RAP2A: variants seen among roughly 807,000 people sequenced by gnomAD.
RAP2A encodes RAP2A, member of RAS oncogene family.
In RAP2A, 5 loss-of-function variants were observed where a neutral mutation model predicts 15.1. That is an observed-to-expected ratio of 0.33 (90% CI 0.17 to 0.70). RAP2A has a LOEUF of 0.70. Ranked by LOEUF, RAP2A falls within the 30% of genes least tolerant of loss-of-function variation. The pLI is 0.68. For missense variants in RAP2A, 111 were observed against 240.3 expected (o/e 0.46, Z 3.56); for synonymous variants, 110 against 99.7 (o/e 1.10, Z -0.62).
intron 1 of RAP2A, among the ~76,000 whole-genome samples, chr13:97,461,759 C>T (rs1254214439): frequency 3.3e-5 from 5 of 151,542 alleles, no homozygotes; most frequent in African/African-American, 1.2e-4. Flanking sequence ...GTCAGGAGAT[C>T]GAGACCATCC....
intron 1 of RAP2A, among the ~76,000 whole-genome samples, chr13:97,461,720 T>C (rs753221139): frequency 1.1e-4 from 16 of 152,024 alleles, no homozygotes; most frequent in Non-Finnish European, 2.2e-4. Flanking sequence ...TCCCAGCACT[T>C]TGGGAGGCTG....
chr13:97,462,600 C>T (rs2066752625), intron 1 of RAP2A, among the ~76,000 whole-genome samples: 1 of 152,186 alleles, frequency 6.6e-6, no homozygotes, highest in African/African-American at 2.4e-5. Context: ...CAGTAGTGTA[C>T]AGTAAATTTA....
chr13:97,450,065 GATAA>G (rs1007198832), intron 1 of RAP2A, among the ~76,000 whole-genome samples: 2 of 151,858 alleles, frequency 1.3e-5, no homozygotes, highest in African/African-American at 4.8e-5. Context: ...AATCTTGCAG[GATAA>G]ATACTCTTCT....
At chr13:97,445,253 A>G (rs142383021) in intron 1 of RAP2A, among the ~76,000 whole-genome samples, 6 of 152,246 alleles carry the variant, frequency 3.9e-5, no homozygotes, top group Non-Finnish European at 8.8e-5. Context: ...CCTTCCCTCA[A>G]TGATCCACTT....
chr13:97,439,997 T>C (rs1025566121), intron 1 of RAP2A, among the ~76,000 whole-genome samples: 1 of 152,144 alleles, frequency 6.6e-6, no homozygotes. Flanking sequence ...TAAGTAGCTA[T>C]TAAAGCCTAC....
Position 97,468,131 on chromosome 13 carries a change from G to C in RAP2A, c.*3689G>C, listed in dbSNP as rs2066780615. 6.6e-6 allele frequency: 1 copy of C among 152,032 alleles called. No homozygotes were observed. The highest frequency in any genetic ancestry group is 2.1e-4 in the South Asian group (1 of 4,816). The allele number at this position is 152,032 out of a possible 1,614,324, so 9.4% of individuals were successfully genotyped here. A position where few individuals can be genotyped will look rare whatever the true frequency, so the allele number is the denominator to read the frequency against. On this transcript the variant is annotated 3_prime_UTR_variant, in exon 2 of 2. Coordinates refer to ENST00000245304, the MANE Select transcript of RAP2A (RefSeq NM_021033.7). Reference sequence around the variant, plus strand: ...GATTTGAGAGTTCATCATATAAAAAGGCAGGTAGGTAGATAATTTTCATAG... The same window carrying C: ...GATTTGAGAGTTCATCATATAAAAACGCAGGTAGGTAGATAATTTTCATAG...
chr13:97,434,522 G>T lies in RAP2A; in HGVS notation c.52G>T (p.Ala18Ser). ...GGGCTCGGGCGGGGTAGGCAAATCCGCCCTGACCGTGCAGTTCGTGACCGG... is the reference window on the plus strand; with the variant it reads ...GGGCTCGGGCGGGGTAGGCAAATCCTCCCTGACCGTGCAGTTCGTGACCGG... The part of the protein sequence containing the change: ...VLGSGGVGKS[A>S]LTVQFVTGTF... The change falls in exon 1 of 2, where the codon GCC (alanine) becomes TCC (serine). Residue 18 changes from alanine (A) to serine (S), a missense_variant. Around this residue, in one of 3 missense-constraint regions of RAP2A, gnomAD observed 20 missense variants for 28.2 expected, o/e 0.71. Coordinates refer to ENST00000245304, the MANE Select transcript of RAP2A (RefSeq NM_021033.7). 6.2e-7 allele frequency: 1 copy of T among 1,613,758 alleles called. No individual in the cohort carries two copies. Among genetic ancestry groups the T allele is most frequent in the Non-Finnish European group, 8.5e-7 (1 of 1,179,874 alleles).
At chr13:97,442,462 T>C (rs564918999) in intron 1 of RAP2A, among the ~76,000 whole-genome samples, 1 of 152,254 alleles carries the variant, frequency 6.6e-6, no homozygotes, top group African/African-American at 2.4e-5. Flanking sequence ...TTTTTATAGA[T>C]CCACTCAGCA....
chr13:97,434,842 T>C (rs3803251), intron 1 of RAP2A, 58 bp downstream of exon 1: 1,244,189 of 1,589,864 alleles, frequency 0.78, 488,847 homozygotes, highest in Middle Eastern at 0.93. Context: ...GTCCCGGGGC[T>C]GGAACTCCCC....
At chr13:97,454,387 T>G (rs1409560901) in intron 1 of RAP2A, among the ~76,000 whole-genome samples, 1 of 151,352 alleles carries the variant, frequency 6.6e-6, no homozygotes, top group East Asian at 1.9e-4. Context: ...TATTTTTTTC[T>G]TCTCCCTCTT....
At chr13:97,455,165 T>C (rs1446900549) in intron 1 of RAP2A, among the ~76,000 whole-genome samples, 2 of 151,544 alleles carry the variant, frequency 1.3e-5, no homozygotes, top group Non-Finnish European at 2.9e-5. Context: ...TCTGTTAAGT[T>C]TACTGAATCT....
At chr13:97,435,318 T>G (rs1300915551) in intron 1 of RAP2A, among the ~76,000 whole-genome samples, 1 of 152,122 alleles carries the variant, frequency 6.6e-6, no homozygotes, top group Admixed American at 6.5e-5. Context: ...AAAGACAGAT[T>G]ATTAAATTAT....
rs888327751 is a variant in RAP2A at position 97,468,568 on chromosome 13, ACT to A, written c.*4129_*4130del. Reference sequence around the variant, plus strand: ...TGCCTTTTGGTTATGTTGCCTTCAAACTCTGTTGAAATCCTCTGGCAGCATTC... The same window carrying A: ...TGCCTTTTGGTTATGTTGCCTTCAAACTGTTGAAATCCTCTGGCAGCATTC... On this transcript the variant is annotated 3_prime_UTR_variant, in exon 2 of 2. Coordinates refer to ENST00000245304, the MANE Select transcript of RAP2A (RefSeq NM_021033.7). 2 of 152,154 alleles carry A rather than the reference ACT, an allele frequency of 1.3e-5. No individual in the cohort carries two copies. The highest frequency in any genetic ancestry group is 6.5e-5 in the Admixed American group (1 of 15,272). The allele number at this position is 152,154 out of a possible 1,614,324, so 9.4% of individuals were successfully genotyped here. A position where few individuals can be genotyped will look rare whatever the true frequency, so the allele number is the denominator to read the frequency against.
intron 1 of RAP2A, among the ~76,000 whole-genome samples, chr13:97,458,185 ATGATTTTAACT>A (rs1566475007): frequency 1.3e-5 from 2 of 152,172 alleles, no homozygotes; most frequent in African/African-American, 4.8e-5. Context: ...CTCTTGGTAG[ATGATTTTAACT>A]GTGTGAAAAG....
chr13:97,445,100 G>A lies in RAP2A; in HGVS notation c.314+10316G>A, dbSNP rs189811795. Among the ~76,000 whole-genome samples, 104 of 152,232 alleles carry A rather than the reference G, an allele frequency of 6.8e-4. 1 individual carries two copies. Among genetic ancestry groups the A allele is most frequent in the Non-Finnish European group, 1.3e-3 (86 of 68,012 alleles). On this transcript the variant is annotated intron_variant, in intron 1 of 1. Transcript: ENST00000245304. ...TCATGAGGGTGGAGCCATCATGACCGAATCACTTCCTAAAGTCCCCACCTC... is the reference window on the plus strand; with the variant it reads ...TCATGAGGGTGGAGCCATCATGACCAAATCACTTCCTAAAGTCCCCACCTC...
At chr13:97,441,011 T>A (rs190329290) in intron 1 of RAP2A, among the ~76,000 whole-genome samples, 39 of 152,284 alleles carry the variant, frequency 2.6e-4, no homozygotes, top group Admixed American at 2.5e-3. Context: ...AAAAGGAAAC[T>A]TTTGTTTTGG....
intron 1 of RAP2A, among the ~76,000 whole-genome samples, chr13:97,438,450 A>C (rs1368923279): frequency 1.3e-5 from 2 of 152,054 alleles, no homozygotes; most frequent in Non-Finnish European, 2.9e-5. Context: ...TCCGTCTTTC[A>C]CCCTCACCCC....
rs184964974 is a variant in RAP2A at position 97,436,881 on chromosome 13, C to T, written c.314+2097C>T. Among the ~76,000 whole-genome samples the T allele has an allele frequency of 8.7e-3, 1,324 of 152,286 alleles. 7 individuals carry two copies. Among genetic ancestry groups the T allele is most frequent in the Non-Finnish European group, 0.015 (997 of 68,008 alleles). On this transcript the variant is annotated intron_variant, in intron 1 of 1. Transcript: ENST00000245304. ...ACCTCTTGGACCCTCACTTGTGTGTCTTTGTAATATGGTAGTAGTAAGGTA... is the reference window on the plus strand; with the variant it reads ...ACCTCTTGGACCCTCACTTGTGTGTTTTTGTAATATGGTAGTAGTAAGGTA...
chr13:97,454,646 G>A (rs1044192630), intron 1 of RAP2A, among the ~76,000 whole-genome samples: 5 of 150,982 alleles, frequency 3.3e-5, no homozygotes, highest in South Asian at 2.1e-4. Context: ...TTTTTTGTAC[G>A]TTTATACATA....
Sources: gnomAD v4.1 joint callset for allele counts (sites outside exome capture counted in the v4.1 genomes callset) on GRCh38, gnomAD v4.1.1 for gene constraint, gnomAD v4.1.1 regional missense constraint, MANE v1.5 for transcripts, NCBI Gene and HGNC (gene_info 2026-07-23, HGNC 2026-07-21) for gene names.